The following FILIP1 variants were observed in gnomAD, a reference collection of about 807,000 sequenced individuals.
FILIP1 encodes the protein filamin-A-interacting protein 1.
Under a neutral mutation model 102.1 loss-of-function variants are expected in FILIP1, and 61 were observed. That is an observed-to-expected ratio of 0.60 (90% CI 0.49 to 0.74). The LOEUF (loss-of-function observed/expected upper bound fraction) is 0.74. Ranked by LOEUF, FILIP1 falls within the 30% of genes least tolerant of loss-of-function variation. The pLI is 0.00. For synonymous variants in FILIP1, 491 were observed against 526.9 expected, an observed-to-expected ratio of 0.93 and a Z score of 0.93; for missense variants, 1,314 against 1,441.2, an observed-to-expected ratio of 0.91 and a Z score of 1.43.
intron 2 of FILIP1, chr6:75,398,233 C>T (rs922295055): frequency 6.6e-6 from 1 of 152,148 alleles, no homozygotes. Context: ...AAAAATATTT[C>T]TCTGTTGACA....
intron 4 of FILIP1, among the ~76,000 whole-genome samples, chr6:75,324,344 C>A (rs1214123978): frequency 1.8e-4 from 14 of 78,758 alleles, no homozygotes; most frequent in Non-Finnish European, 3.3e-4. Flanking sequence ...ATATACCTAA[C>A]CAAAAAAAAA....
chr6:75,485,686 T>C (rs1779762935), intron 1 of FILIP1, among the ~76,000 whole-genome samples: 1 of 152,046 alleles, frequency 6.6e-6, no homozygotes, highest in Non-Finnish European at 1.5e-5. Context: ...TTCAATTATT[T>C]CCAAATAGTC....
intron 1 of FILIP1, among the ~76,000 whole-genome samples, chr6:75,460,920 A>T (rs143141824): frequency 6.6e-6 from 1 of 152,318 alleles, no homozygotes; most frequent in East Asian, 1.9e-4. Context: ...ACTGGCCCAA[A>T]CAAGCTGATT....
At chr6:75,310,047 C>T (rs867520648) in intron 5 of FILIP1, among the ~76,000 whole-genome samples, 3 of 152,202 alleles carry the variant, frequency 2.0e-5, no homozygotes, top group Non-Finnish European at 4.4e-5. Context: ...ATGTGCCTCC[C>T]TTCAATATCC....
At chr6:75,368,593 T>A (rs1775415051) in intron 2 of FILIP1, among the ~76,000 whole-genome samples, 1 of 152,058 alleles carries the variant, frequency 6.6e-6, no homozygotes, top group Admixed American at 6.5e-5. Context: ...ACGCTTAACT[T>A]GAATCTGAGC....
chr6:75,441,104 G>A (rs1778200909), intron 1 of FILIP1, among the ~76,000 whole-genome samples: 1 of 151,684 alleles, frequency 6.6e-6, no homozygotes, highest in African/African-American at 2.4e-5. Context: ...AAGGTCTCTG[G>A]TTTTCCTAGG....
At chr6:75,455,562 T>A (rs1036250368) in intron 1 of FILIP1, among the ~76,000 whole-genome samples, 2 of 151,918 alleles carry the variant, frequency 1.3e-5, no homozygotes, top group African/African-American at 4.8e-5. Context: ...GGGGGGAAAA[T>A]TTTTAAAGGT....
At chr6:75,293,577 A>G (rs1772593190) in exon 7 of FILIP1, 1 of 152,206 alleles carries the variant, frequency 6.6e-6, no homozygotes, top group African/African-American at 2.4e-5. Context: ...TGATTGCACC[A>G]TCATCCTCAT....
At chr6:75,344,291 CA>C (rs1774508962) in intron 4 of FILIP1, among the ~76,000 whole-genome samples, 1 of 152,202 alleles carries the variant, frequency 6.6e-6, no homozygotes, top group Admixed American at 6.5e-5. Flanking sequence ...CAGGCCACCT[CA>C]TCCACCTCAG....
At chr6:75,292,232 G>C (rs1252402345) in exon 7 of FILIP1, 1 of 152,072 alleles carries the variant, frequency 6.6e-6, no homozygotes, top group East Asian at 1.9e-4. Flanking sequence ...AAGAATATCT[G>C]GCCACATTAT....
intron 1 of FILIP1, among the ~76,000 whole-genome samples, chr6:75,466,170 TC>T (rs1281195235): frequency 2.6e-5 from 4 of 152,244 alleles, no homozygotes; most frequent in African/African-American, 9.6e-5. Context: ...CTACTCACGC[TC>T]AGCACTTCTG....
exon 7 of FILIP1, chr6:75,295,839 G>A: frequency 9.7e-7 from 1 of 1,029,474 alleles, no homozygotes; most frequent in Non-Finnish European, 1.3e-6. Flanking sequence ...CCTTAGTCAT[G>A]ATTGAGGGCT....
chr6:75,368,510 G>A (rs1775413068), intron 2 of FILIP1, among the ~76,000 whole-genome samples: 1 of 152,192 alleles, frequency 6.6e-6, no homozygotes, highest in Non-Finnish European at 1.5e-5. Flanking sequence ...AAACAATTGA[G>A]AGGTGTTTAC....
At chr6:75,442,152 A>G (rs4549585) in intron 1 of FILIP1, among the ~76,000 whole-genome samples, 144,832 of 151,414 alleles carry the variant, frequency 0.96, 69,284 homozygotes, top group East Asian at 1. Flanking sequence ...CAGCTCAGAC[A>G]ATGGGTGGCC....
At chr6:75,475,938 A>T (rs1779462102) in intron 1 of FILIP1, among the ~76,000 whole-genome samples, 1 of 152,178 alleles carries the variant, frequency 6.6e-6, no homozygotes. Context: ...TAGCTTTAAT[A>T]GTTACATTAA....
chr6:75,441,639 G>A (rs566541495), intron 1 of FILIP1, among the ~76,000 whole-genome samples: 1 of 149,040 alleles, frequency 6.7e-6, no homozygotes, highest in South Asian at 2.1e-4. Flanking sequence ...TCCCGGACGG[G>A]GCGGCTGGCC....
At chr6:75,492,321 T>C (rs1017069942) in intron 1 of FILIP1, among the ~76,000 whole-genome samples, 1 of 152,218 alleles carries the variant, frequency 6.6e-6, no homozygotes, top group Non-Finnish European at 1.5e-5. Context: ...TGTTAAAAAC[T>C]GGTTTTGGGT....
chr6:75,386,396 T>C (rs768271867), intron 2 of FILIP1: 1 of 152,222 alleles, frequency 6.6e-6, no homozygotes, highest in Non-Finnish European at 1.5e-5. Flanking sequence ...CTTGCACATT[T>C]CTTCATGACC....
At chr6:75,452,791 T>C (rs1778679619) in intron 1 of FILIP1, among the ~76,000 whole-genome samples, 1 of 152,212 alleles carries the variant, frequency 6.6e-6, no homozygotes, top group Non-Finnish European at 1.5e-5. Context: ...AAATTGTGTA[T>C]GATTTATTTT....
Sources: gnomAD v4.1 joint callset for allele counts (sites outside exome capture counted in the v4.1 genomes callset) on GRCh38, gnomAD v4.1.1 for gene constraint, MANE v1.5 for transcripts, NCBI Gene and HGNC (gene_info 2026-07-23, HGNC 2026-07-21) for gene names.